RNF149: variants seen among roughly 807,000 people sequenced by gnomAD.
The protein encoded by RNF149 is ring finger protein 149, also known as E3 ubiquitin-protein ligase RNF149.
Under a neutral mutation model 39.0 loss-of-function variants are expected in RNF149, and 21 were observed. The ratio of observed to expected loss-of-function variants is 0.54; its 90% CI spans 0.38 to 0.77. The LOEUF (loss-of-function observed/expected upper bound fraction) is 0.77, where lower values mean the gene tolerates loss of function less well. Ranked by LOEUF, RNF149 falls within the 30% of genes least tolerant of loss-of-function variation. The pLI, the probability that RNF149 is intolerant of heterozygous loss-of-function variation, is 0.00. For synonymous variants in RNF149, 209 were observed against 213.6 expected, an observed-to-expected ratio of 0.98 and a Z score of 0.19; for missense variants, 493 against 534.9, an observed-to-expected ratio of 0.92 and a Z score of 0.77.
At chr2:101,273,058 G>A (rs756363425), downstream of RNF149, 26 of 1,356,786 alleles carry the variant, frequency 1.9e-5, no homozygotes, top group Non-Finnish European at 2.5e-5. Context: ...GTAGCTGGAG[G>A]GAGCAGTCTT....
chr2:101,277,880 G>A (rs1016466366), intron 6 of RNF149, among the ~76,000 whole-genome samples: 19 of 152,108 alleles, frequency 1.2e-4, no homozygotes, highest in Admixed American at 1.2e-3. Context: ...GTTCCCAAAA[G>A]TTGAACAAGT....
chr2:101,299,271 C>A (rs1683360950), intron 1 of RNF149, among the ~76,000 whole-genome samples: 2 of 152,160 alleles, frequency 1.3e-5, no homozygotes, highest in South Asian at 4.1e-4. Flanking sequence ...GCAGCAAATC[C>A]ACTGTGGATC....
downstream of RNF149, among the ~76,000 whole-genome samples, chr2:101,275,464 C>T (rs1347608791): frequency 9.0e-5 from 5 of 55,812 alleles, no homozygotes; most frequent in African/African-American, 1.4e-4. Flanking sequence ...TTTTTTGAGA[C>T]GGAGTCTCGC....
intron 6 of RNF149, among the ~76,000 whole-genome samples, chr2:101,279,604 T>C (rs1682495500): frequency 6.6e-6 from 1 of 152,214 alleles, no homozygotes; most frequent in Non-Finnish European, 1.5e-5. Flanking sequence ...CAAGGGAACA[T>C]GCTGCTTTGC....
At chr2:101,287,626 TTA>T (rs1335949830) in intron 4 of RNF149, among the ~76,000 whole-genome samples, 10 of 152,330 alleles carry the variant, frequency 6.6e-5, no homozygotes, top group Admixed American at 4.6e-4. Flanking sequence ...TTTCTCTACT[TTA>T]ATAACTTTCT....
chr2:101,297,802 G>A (rs1319839507), intron 1 of RNF149, among the ~76,000 whole-genome samples: 2 of 152,126 alleles, frequency 1.3e-5, no homozygotes, highest in Admixed American at 1.3e-4. Flanking sequence ...ATTCCATAAT[G>A]TTTTCATTAC....
At chr2:101,284,450 G>C (rs1410482232) in intron 5 of RNF149, among the ~76,000 whole-genome samples, 1 of 151,972 alleles carries the variant, frequency 6.6e-6, no homozygotes, top group Non-Finnish European at 1.5e-5. Context: ...GTGTACTGGA[G>C]TGCAGGTGTA....
chr2:101,307,465 C>G (rs915404343), intron 1 of RNF149, among the ~76,000 whole-genome samples: 3 of 152,222 alleles, frequency 2.0e-5, no homozygotes, highest in African/African-American at 7.2e-5. Flanking sequence ...AGGCGTGAGC[C>G]ACTGTGCCCG....
chr2:101,298,137 A>G (rs1431365303), intron 1 of RNF149, among the ~76,000 whole-genome samples: 2 of 152,218 alleles, frequency 1.3e-5, no homozygotes, highest in Non-Finnish European at 2.9e-5. Flanking sequence ...GTATCTATAA[A>G]GATTTACTGT....
chr2:101,275,944 T>G lies in RNF149; in HGVS notation c.*1294A>C. On this transcript the variant is annotated 3_prime_UTR_variant, in exon 7 of 7. Coordinates refer to ENST00000295317, the MANE Select transcript of RNF149 (RefSeq NM_173647.4). ...CTTCAATAGCTCCTCATACTGCATCTGTCTGTAGAGTTTATTTCAGTAAAA... is the reference window on the plus strand; with the variant it reads ...CTTCAATAGCTCCTCATACTGCATCGGTCTGTAGAGTTTATTTCAGTAAAA... 1 of 983,938 alleles carries G rather than the reference T, an allele frequency of 1.0e-6. No homozygotes were observed. Among genetic ancestry groups the G allele is most frequent in the Non-Finnish European group, 1.2e-6 (1 of 828,534 alleles). 61.0% of individuals were successfully genotyped at this position (983,938 alleles called of 1,614,324 possible).
downstream of RNF149, chr2:101,273,233 G>A: frequency 1.3e-6 from 1 of 795,872 alleles, no homozygotes; most frequent in Non-Finnish European, 1.9e-6. Context: ...AGGACAGCAG[G>A]CAGGGGGCTG....
intron 5 of RNF149, among the ~76,000 whole-genome samples, chr2:101,284,949 C>T (rs544725249): frequency 5.3e-5 from 8 of 152,272 alleles, no homozygotes; most frequent in Middle Eastern, 3.4e-3. Flanking sequence ...GGCTGGAGTG[C>T]AGTGGAACGC....
In RNF149 at chr2:101,288,987, T is replaced by C. The variant is rs1682899868; in HGVS notation, c.849A>G (p.Arg283=). The change falls in exon 4 of 7, where the codon AGA becomes AGG. Residue 283 remains arginine, a synonymous_variant. Transcript: ENST00000295317. ...IENFKVKDII[R]ILPCKHIFHR... ...AAAGAACATACTTGCATGGCAGAAT[T>C]CTAATAATATCCTTTACTTTGAAAT... The C allele has an allele frequency of 6.4e-7, 1 of 1,551,468 alleles. No homozygotes were observed. The highest frequency in any genetic ancestry group is 8.9e-7 in the Non-Finnish European group (1 of 1,125,384).
At position 101,277,018 on chromosome 2, in the gene RNF149, T is replaced by C. The variant is rs1682370395; in HGVS notation, c.*220A>G. ...ATAGTCTGAAGCAACACACTGTTCA[T>C]GGTAAACACTCTATTTTAGTAGATA... On this transcript the variant is annotated 3_prime_UTR_variant, in exon 7 of 7. Transcript: ENST00000295317. 3.1e-6 allele frequency: 4 copies of C among 1,296,824 alleles called. No individual in the cohort carries two copies. The highest frequency in any genetic ancestry group is 1.6e-5 in the South Asian group (1 of 60,724). 80.3% of individuals were successfully genotyped at this position (1,296,824 alleles called of 1,614,324 possible).
rs867703496 is a variant in RNF149, at chr2:101,276,540, G to A, written c.*698C>T. On this transcript the variant is annotated 3_prime_UTR_variant, in exon 7 of 7. Transcript: ENST00000295317. ...AATGAAGAACTTAATGCTCATGTGC[G>A]ATATAGAATCTTAGCTTTTTATTTG... The A allele has an allele frequency of 3.0e-6, 3 of 985,578 alleles. No individual in the cohort carries two copies. Among genetic ancestry groups the A allele is most frequent in the South Asian group, 4.7e-5 (1 of 21,288 alleles). The allele number at this position is 985,578 out of a possible 1,614,324, so 61.1% of individuals were successfully genotyped here. A position where few individuals can be genotyped will look rare whatever the true frequency, so the allele number is the denominator to read the frequency against.
chr2:101,302,374 G>GTA (rs1683486692), intron 1 of RNF149, among the ~76,000 whole-genome samples: 1 of 152,162 alleles, frequency 6.6e-6, no homozygotes, highest in African/African-American at 2.4e-5. Flanking sequence ...CAATATGAAT[G>GTA]TAAATATCAT....
At chr2:101,295,985 CA>C (rs1683218132) in intron 1 of RNF149, among the ~76,000 whole-genome samples, 1 of 151,670 alleles carries the variant, frequency 6.6e-6, no homozygotes, top group East Asian at 1.9e-4. Flanking sequence ...CTTGTCTCTA[CA>C]AATAATTTAA....
intron 4 of RNF149, chr2:101,288,597 C>T (rs561992690): frequency 7.0e-5 from 12 of 170,414 alleles, no homozygotes; most frequent in African/African-American, 2.6e-4. Context: ...CCCTCCTCAA[C>T]CTATTTCCCT....
chr2:101,290,967 C>T (rs1172188688), intron 3 of RNF149, among the ~76,000 whole-genome samples: 12 of 152,284 alleles, frequency 7.9e-5, no homozygotes, highest in Non-Finnish European at 1.6e-4. Context: ...TTCTCTTTCC[C>T]AGGATGCTGG....
Sources: gnomAD v4.1 joint callset for allele counts (sites outside exome capture counted in the v4.1 genomes callset) on GRCh38, gnomAD v4.1.1 for gene constraint, MANE v1.5 for transcripts, NCBI Gene and HGNC (gene_info 2026-07-23, HGNC 2026-07-21) for gene names.